KAZN: variants seen among roughly 807,000 people sequenced by gnomAD.
The protein encoded by KAZN is kazrin.
In KAZN, 40 loss-of-function variants were observed where a neutral mutation model predicts 87.4. That is an observed-to-expected ratio of 0.46 (90% CI 0.36 to 0.60). The LOEUF is 0.60. Among genes scored for constraint, KAZN ranks in the 20% least tolerant of loss-of-function variants. KAZN has a pLI of 0.00. For synonymous variants in KAZN, 466 were observed against 458.3 expected (o/e 1.02, Z -0.22); for missense variants, 898 against 1,073.9 (o/e 0.84, Z 2.29).
At chr1:14,550,727 CTCT>C (rs1673450564) in intron 2 of KAZN, among the ~76,000 whole-genome samples, 1 of 85,126 alleles carries the variant, frequency 1.2e-5, no homozygotes, top group African/African-American at 3.6e-5. Flanking sequence ...CTCTCTCTCT[CTCT>C]CTCTCTCTCC....
At chr1:14,833,285 G>GC (rs1023693341) in intron 1 of KAZN, among the ~76,000 whole-genome samples, 22 of 152,170 alleles carry the variant, frequency 1.4e-4, no homozygotes, top group African/African-American at 4.3e-4. Context: ...GAGTGTCCAT[G>GC]CCCCCCCACT....
chr1:14,445,379 G>T (rs1405330419), intron 2 of KAZN, among the ~76,000 whole-genome samples: 1 of 152,158 alleles, frequency 6.6e-6, no homozygotes, highest in African/African-American at 2.4e-5. Context: ...TATGCTCGGG[G>T]AGATCAGCAC....
At chr1:14,009,005 T>G (rs1045138731) in intron 1 of KAZN, among the ~76,000 whole-genome samples, 12 of 152,210 alleles carry the variant, frequency 7.9e-5, no homozygotes, top group African/African-American at 2.9e-4. Context: ...CGTTCTATTT[T>G]CTGTCTCTAT....
At chr1:14,168,738 C>A (rs1180689311) in intron 1 of KAZN, among the ~76,000 whole-genome samples, 2 of 152,186 alleles carry the variant, frequency 1.3e-5, no homozygotes, top group African/African-American at 4.8e-5. Context: ...GGCCATAGAG[C>A]ACTTCACAGG....
chr1:14,904,583 C>G (rs952445093), intron 1 of KAZN, among the ~76,000 whole-genome samples: 2 of 152,180 alleles, frequency 1.3e-5, no homozygotes, highest in Non-Finnish European at 2.9e-5. Context: ...CAGACAGGCC[C>G]GTGCGCCACA....
chr1:13,976,256 C>T (rs928576360), intron 1 of KAZN, among the ~76,000 whole-genome samples: 10 of 152,116 alleles, frequency 6.6e-5, no homozygotes, highest in South Asian at 2.1e-4. Context: ...TTTTGATTTT[C>T]AAAGAGAGCA....
At chr1:14,842,128 T>A (rs1346088512) in intron 1 of KAZN, among the ~76,000 whole-genome samples, 1 of 152,156 alleles carries the variant, frequency 6.6e-6, no homozygotes, top group Non-Finnish European at 1.5e-5. Flanking sequence ...TCTTTGTTAT[T>A]CTCTACCTCA....
At chr1:14,815,526 C>A (rs1432861822) in intron 1 of KAZN, among the ~76,000 whole-genome samples, 6 of 152,164 alleles carry the variant, frequency 3.9e-5, no homozygotes, top group Non-Finnish European at 8.8e-5. Flanking sequence ...CCAGAAAGTT[C>A]AGTGTTGATT....
At chr1:14,823,628 C>T (rs1439469170) in intron 1 of KAZN, among the ~76,000 whole-genome samples, 1 of 152,120 alleles carries the variant, frequency 6.6e-6, no homozygotes, top group African/African-American at 2.4e-5. Context: ...AAAATGCCAG[C>T]TGTGCCACAT....
intron 1 of KAZN, among the ~76,000 whole-genome samples, chr1:14,716,196 C>G (rs546364061): frequency 6.6e-6 from 1 of 152,114 alleles, no homozygotes; most frequent in Admixed American, 6.5e-5. Context: ...AGTGTGTGTG[C>G]ATTGGAAGGG....
intron 2 of KAZN, among the ~76,000 whole-genome samples, chr1:14,272,861 AAC>A (rs2100688167): frequency 6.6e-6 from 1 of 152,266 alleles, no homozygotes; most frequent in South Asian, 2.1e-4. Context: ...CAGTCTCAAA[AAC>A]AAAAAATAAA....
chr1:13,997,074 A>T (rs182493938), intron 1 of KAZN, among the ~76,000 whole-genome samples: 1 of 152,258 alleles, frequency 6.6e-6, no homozygotes, highest in East Asian at 1.9e-4. Flanking sequence ...CCAGATGAAT[A>T]GTGCCTGAAG....
intron 1 of KAZN, among the ~76,000 whole-genome samples, chr1:14,092,471 T>TAC (rs908041976): frequency 1.3e-5 from 2 of 150,294 alleles, no homozygotes; most frequent in African/African-American, 2.4e-5. Context: ...TATATATATA[T>TAC]ACACACACAC....
intron 1 of KAZN, among the ~76,000 whole-genome samples, chr1:14,702,521 C>T (rs2148807351): frequency 6.6e-6 from 1 of 152,302 alleles, no homozygotes. Context: ...GATCTCAGAG[C>T]TTCACTGACT....
chr1:14,799,970 A>T (rs1645956270), intron 1 of KAZN, among the ~76,000 whole-genome samples: 1 of 152,170 alleles, frequency 6.6e-6, no homozygotes, highest in Non-Finnish European at 1.5e-5. Context: ...AGTATCTGAC[A>T]TGTTTCTTCT....
intron 2 of KAZN, among the ~76,000 whole-genome samples, chr1:14,193,479 A>T (rs892474499): frequency 6.6e-6 from 1 of 152,114 alleles, no homozygotes; most frequent in Non-Finnish European, 1.5e-5. Context: ...AGGCTCCCTT[A>T]GAGCCTTTAA....
At chr1:15,022,178 G>A (rs912506117) in intron 2 of KAZN, among the ~76,000 whole-genome samples, 6 of 152,116 alleles carry the variant, frequency 3.9e-5, no homozygotes, top group Middle Eastern at 3.4e-3. Flanking sequence ...TGGCCAGGAC[G>A]GGCCATGCAC....
At chr1:15,075,010 C>A (rs1469463805) in intron 8 of KAZN, among the ~76,000 whole-genome samples, 1 of 152,158 alleles carries the variant, frequency 6.6e-6, no homozygotes, top group Non-Finnish European at 1.5e-5. Flanking sequence ...CAGGACAGGG[C>A]CCTTTGTACA....
intron 1 of KAZN, among the ~76,000 whole-genome samples, chr1:14,001,644 A>G (rs1161559753): frequency 6.6e-6 from 1 of 152,238 alleles, no homozygotes; most frequent in Non-Finnish European, 1.5e-5. Flanking sequence ...TGGCACTTGT[A>G]CCAAAACAGA....
Sources: gnomAD v4.1 joint callset for allele counts (sites outside exome capture counted in the v4.1 genomes callset) on GRCh38, gnomAD v4.1.1 for gene constraint, MANE v1.5 for transcripts, NCBI Gene and HGNC (gene_info 2026-07-23, HGNC 2026-07-21) for gene names.